The following EXD3 variants were observed in gnomAD, a reference collection of about 807,000 sequenced individuals.
EXD3 encodes the protein exonuclease 3'-5' domain containing 3.
A neutral mutation model predicts 98.0 loss-of-function variants in EXD3; 92 were observed. That is an observed-to-expected ratio of 0.94 (90% CI 0.79 to 1.12). The LOEUF (loss-of-function observed/expected upper bound fraction) is 1.12. EXD3 is among the 50% of genes most tolerant of loss of function. The pLI is 0.00. For synonymous variants in EXD3, 569 were observed against 526.0 expected (o/e 1.08, Z -1.12); for missense variants, 1,222 against 1,191.6 (o/e 1.03, Z -0.38).
chr9:137,416,247 G>A (rs1838222989), intron 1 of EXD3, among the ~76,000 whole-genome samples: 1 of 152,296 alleles, frequency 6.6e-6, no homozygotes, highest in South Asian at 2.1e-4. Context: ...GCTCCACCAG[G>A]GGGAGGGCAC....
At chr9:137,330,203 C>A (rs569426688) in intron 17 of EXD3, among the ~76,000 whole-genome samples, 6 of 136,396 alleles carry the variant, frequency 4.4e-5, no homozygotes, top group African/African-American at 1.7e-4. Flanking sequence ...CTACACAGGA[C>A]TACACAGGAG....
chr9:137,420,352 G>A (rs2131850604), intron 1 of EXD3, among the ~76,000 whole-genome samples: 1 of 152,222 alleles, frequency 6.6e-6, no homozygotes, highest in Admixed American at 6.5e-5. Flanking sequence ...ACTTTTGTGA[G>A]CAAAACTGAA....
intron 1 of EXD3, among the ~76,000 whole-genome samples, chr9:137,419,262 A>C (rs1838391967): frequency 6.6e-6 from 1 of 152,246 alleles, no homozygotes; most frequent in Admixed American, 6.5e-5. Flanking sequence ...TATATGTTAA[A>C]CTGTTTTAAC....
Position 137,306,984 on chromosome 9 carries a change from C to T in EXD3, c.2597G>A (p.Ser866Asn), listed in dbSNP as rs1337364223. 10 of 1,600,964 alleles carry T rather than the reference C, an allele frequency of 6.2e-6. No individual in the cohort carries two copies. Among genetic ancestry groups the T allele is most frequent in the Non-Finnish European group, 8.5e-6 (10 of 1,173,130 alleles). Reference protein sequence around the residue: ...LESAPSPCEPSPAPSPASSPF With the variant: ...LESAPSPCEPNPAPSPASSPF The stretch of plus-strand genomic sequence containing the variant: ...ACTGCTGGCCGGGCTGGGGGCTGGG[C>T]TCGGCTCGCAGGGGCTGGGGGCGCT... Residue 866 changes from serine to asparagine, a missense_variant, in exon 22 of 22, where the codon AGC becomes AAC. Transcript: ENST00000340951.
At chr9:137,366,118 A>G (rs1835239461) in intron 7 of EXD3, 1 of 695,586 alleles carries the variant, frequency 1.4e-6, no homozygotes, top group Non-Finnish European at 2.6e-6. Context: ...TTTTCTCTGT[A>G]ATTGCTGACA....
chr9:137,346,311 A>T (rs963966500), intron 17 of EXD3, among the ~76,000 whole-genome samples: 17 of 151,654 alleles, frequency 1.1e-4, no homozygotes, highest in African/African-American at 3.9e-4. Context: ...AAATGTTATT[A>T]AAAAACTATA....
chr9:137,412,716 T>G (rs1838057839), intron 1 of EXD3, among the ~76,000 whole-genome samples: 1 of 152,250 alleles, frequency 6.6e-6, no homozygotes, highest in Non-Finnish European at 1.5e-5. Flanking sequence ...ACAGCAGCCT[T>G]GACTCACACA....
intron 6 of EXD3, 78 bp from the exon 7 acceptor site, chr9:137,366,710 C>A (rs548214259): frequency 2.7e-6 from 4 of 1,491,758 alleles, no homozygotes; most frequent in African/African-American, 2.8e-5. Context: ...CCAGAGGGAG[C>A]GGCCAAAGTG....
At chr9:137,373,646 C>T (rs879878926) in intron 3 of EXD3, 47 bp from the exon 4 acceptor site, 20 of 1,537,298 alleles carry the variant, frequency 1.3e-5, no homozygotes, top group Non-Finnish European at 1.7e-5. Flanking sequence ...GCACTCAAAG[C>T]CTCCTGGCAA....
At chr9:137,359,342 C>T (rs1834942144) in intron 7 of EXD3, among the ~76,000 whole-genome samples, 1 of 83,678 alleles carries the variant, frequency 1.2e-5, no homozygotes, top group Non-Finnish European at 2.9e-5. Flanking sequence ...ATCATGGGTG[C>T]AAATGCACCG....
rs908682306 is a variant in EXD3 at position 137,371,249 on chromosome 9, C to G, written c.462+1656G>C. On this transcript the variant is annotated intron_variant, in intron 5 of 21. Coordinates refer to ENST00000340951, the MANE Select transcript of EXD3 (RefSeq NM_017820.5). This position sits in a 1 kb window ranked among gnomAD's most constrained non-coding sequence, Gnocchi z 8.0. The stretch of plus-strand genomic sequence containing the variant: ...ACTCTCCGCAGGCACGGCCGCCATT[C>G]AGCGTCGCGCCACATGAGGGGGACC... 6.6e-6 allele frequency among the ~76,000 whole-genome samples: 1 copy of G among 152,240 alleles called. No individual in the cohort carries two copies. Among genetic ancestry groups the G allele is most frequent in the African/African-American group, 2.4e-5 (1 of 41,460 alleles).
chr9:137,354,066 C>T (rs1014304914), intron 10 of EXD3: 1 of 1,225,378 alleles, frequency 8.2e-7, no homozygotes, highest in African/African-American at 1.6e-5. Flanking sequence ...ACAGGCAGCT[C>T]CGCTGGGTTG....
chr9:137,352,701 C>A lies in EXD3; in HGVS notation c.956G>T (p.Cys319Phe), dbSNP rs527383339. 5 of 1,564,424 alleles carry A rather than the reference C, an allele frequency of 3.2e-6. No homozygotes were observed. In the East Asian group the frequency reaches 7.2e-5, roughly 22 times the overall value. ...CTCGGGCAGCAAGAGTTCCATGGCA[C>A]ACTGGGCGGCCGTGACTGGGTCACT... ...SHSDPVTAAQ[C>F]AMELLLPEER... Residue 319 changes from cysteine to phenylalanine, a missense_variant, in exon 11 of 22, where the codon TGT becomes TTT. By Grantham distance (205) the Cys-to-Phe change is radical. Coordinates refer to ENST00000340951, the MANE Select transcript of EXD3 (RefSeq NM_017820.5).
At chr9:137,333,102 G>A (rs1018211598) in intron 17 of EXD3, among the ~76,000 whole-genome samples, 1 of 152,176 alleles carries the variant, frequency 6.6e-6, no homozygotes, top group African/African-American at 2.4e-5. Context: ...GAGCAGACTT[G>A]CTGAGGCTTC....
Position 137,373,506 on chromosome 9 carries a change from C to G in EXD3, c.214G>C (p.Glu72Gln), listed in dbSNP as rs769422218. 2 of 1,606,680 alleles carry G rather than the reference C, an allele frequency of 1.2e-6. No individual in the cohort carries two copies. Among genetic ancestry groups the G allele is most frequent in the Non-Finnish European group, 1.7e-6 (2 of 1,177,558 alleles). The change falls in exon 4 of 22, where the codon GAG (glutamate) becomes CAG (glutamine). Residue 72 changes from glutamate to glutamine, a missense_variant. Glu to Gln is a conservative substitution (Grantham distance 29). Transcript: ENST00000340951. ...ATCCAGGCCGCCAGGGAGGGGCCCTCTCCCCGCTGGCCCCGGCAGCTCTCC... is the reference window on the plus strand; with the variant it reads ...ATCCAGGCCGCCAGGGAGGGGCCCTGTCCCCGCTGGCCCCGGCAGCTCTCC... Reference protein sequence around the residue: ...MLESCRGQRGEGPSLAAWISH... With the variant: ...MLESCRGQRGQGPSLAAWISH...
At chr9:137,369,018 C>T (rs1236000135) in intron 5 of EXD3, among the ~76,000 whole-genome samples, 1 of 74,296 alleles carries the variant, frequency 1.3e-5, no homozygotes, top group African/African-American at 5.5e-5. Context: ...TTCTCAGAGC[C>T]GTGTGGGGAG....
rs4078071 is a variant in EXD3 at position 137,349,095 on chromosome 9, C to A, written c.1830+15G>T. ...CAAGAATGCTGACAAACGGACCCTG[C>A]GGGGCTTCACCCACCTGCCTGGGTG... On this transcript the variant is annotated intron_variant, in intron 16 of 21. Transcript: ENST00000340951. This position sits in a 1 kb window ranked among gnomAD's most constrained non-coding sequence, Gnocchi z 7.4. The A allele has an allele frequency of 2.5e-6, 4 of 1,583,604 alleles. No homozygotes were observed. The highest frequency in any genetic ancestry group is 3.4e-6 in the Non-Finnish European group (4 of 1,170,992).
chr9:137,315,054 A>T (rs563692980), intron 19 of EXD3, among the ~76,000 whole-genome samples: 53 of 152,244 alleles, frequency 3.5e-4, no homozygotes, highest in African/African-American at 1.3e-3. Context: ...CACTTCCTGC[A>T]GCTCCCTTGG....
Position 137,352,655 on chromosome 9 carries a change from C to G in EXD3, c.1002G>C (p.Val334=). ...GCCTGAACCGGCGGAGTTCCACAGCCACCGCAGCCGGCAGCCGCTCCTCGG... is the reference window on the plus strand; with the variant it reads ...GCCTGAACCGGCGGAGTTCCACAGCGACCGCAGCCGGCAGCCGCTCCTCGG... The part of the protein sequence containing the change: ...LLPEERLPAA[V]AVELRRFRLQ... The change falls in exon 11 of 22, where the codon GTG becomes GTC. Residue 334 remains valine (V), a synonymous_variant. Coordinates refer to ENST00000340951, the MANE Select transcript of EXD3 (RefSeq NM_017820.5). 4 of 1,548,940 alleles carry G rather than the reference C, an allele frequency of 2.6e-6. No individual in the cohort carries two copies. The highest frequency in any genetic ancestry group is 3.5e-6 in the Non-Finnish European group (4 of 1,146,718).
Sources: gnomAD v4.1 joint callset for allele counts (sites outside exome capture counted in the v4.1 genomes callset) on GRCh38, gnomAD v4.1.1 for gene constraint, Gnocchi (gnomAD v3.1) non-coding constraint, MANE v1.5 for transcripts, NCBI Gene and HGNC (gene_info 2026-07-23, HGNC 2026-07-21) for gene names.